CDK14: variants seen among roughly 807,000 people sequenced by gnomAD.
The protein encoded by CDK14 is cyclin-dependent kinase 14.
In CDK14, 34 loss-of-function variants were observed where a neutral mutation model predicts 60.7. The observed-to-expected ratio is 0.56, with a 90% CI of 0.43 to 0.75. CDK14 has a LOEUF of 0.75. CDK14 is among the 30% of genes least tolerant of loss of function. CDK14 has a pLI of 0.00. For synonymous variants in CDK14, 197 were observed against 203.7 expected (o/e 0.97, Z 0.28); for missense variants, 482 against 564.1 (o/e 0.85, Z 1.47).
intron 2 of CDK14, among the ~76,000 whole-genome samples, chr7:90,716,585 A>G (rs1246374899): frequency 6.6e-6 from 1 of 152,086 alleles, no homozygotes; most frequent in Non-Finnish European, 1.5e-5. Context: ...TTTCTTCTCT[A>G]CTCATCACTC....
At chr7:90,912,204 G>C (rs1174651896) in intron 7 of CDK14, among the ~76,000 whole-genome samples, 1 of 130,110 alleles carries the variant, frequency 7.7e-6, no homozygotes. Context: ...ATAGTAGAAA[G>C]ATAAAGAGTT....
At chr7:90,894,403 G>A (rs1450508086) in intron 6 of CDK14, among the ~76,000 whole-genome samples, 2 of 152,146 alleles carry the variant, frequency 1.3e-5, no homozygotes, top group African/African-American at 4.8e-5. Flanking sequence ...TAGATGATGT[G>A]TGCGCATACA....
chr7:90,851,582 C>T (rs1337427166), intron 5 of CDK14, among the ~76,000 whole-genome samples: 1 of 152,002 alleles, frequency 6.6e-6, no homozygotes, highest in Non-Finnish European at 1.5e-5. Context: ...AGAGACTGTC[C>T]CCTCAACTGT....
At chr7:90,789,064 G>A (rs959597029) in intron 4 of CDK14, among the ~76,000 whole-genome samples, 3 of 152,052 alleles carry the variant, frequency 2.0e-5, no homozygotes, top group Non-Finnish European at 4.4e-5. Context: ...ACCTTGCAAT[G>A]GCACTTTTAG....
rs868017104 is a variant in CDK14, at chr7:90,616,307, T to A, written c.123+12058T>A. On this transcript the variant is annotated intron_variant, in intron 2 of 14. Coordinates refer to ENST00000380050, the MANE Select transcript of CDK14 (RefSeq NM_001287135.2). ...AATGAAAACATTTTTTATTAAAAAA[T>A]ATAGGTAAAGAAGAGAGATGTTAGT... Among the ~76,000 whole-genome samples the A allele has an allele frequency of 1.5e-4, 23 of 152,302 alleles. No individual in the cohort carries two copies. The Middle Eastern group carries it at 0.014, about 90-fold the overall frequency.
At chr7:91,152,620 A>G (rs142718997) in intron 14 of CDK14, among the ~76,000 whole-genome samples, 8 of 152,294 alleles carry the variant, frequency 5.3e-5, no homozygotes, top group South Asian at 2.1e-4. Context: ...ACTATGTGCT[A>G]TGTGCTGGGG....
chr7:91,160,583 A>G (rs973321834), intron 14 of CDK14, among the ~76,000 whole-genome samples: 1 of 152,200 alleles, frequency 6.6e-6, no homozygotes, highest in African/African-American at 2.4e-5. Context: ...ATTGAAACCT[A>G]TAGCCAAAAT....
chr7:91,027,452 C>A (rs3808295), intron 10 of CDK14, among the ~76,000 whole-genome samples: 2 of 152,122 alleles, frequency 1.3e-5, no homozygotes. Context: ...CATACTTCCT[C>A]GGAAGATGCC....
chr7:90,928,047 A>G (rs1286064462), intron 8 of CDK14, among the ~76,000 whole-genome samples: 9 of 152,104 alleles, frequency 5.9e-5, no homozygotes. Context: ...TTCTAATGCC[A>G]TGGTTTTCAG....
chr7:90,617,553 A>G (rs914243564), intron 2 of CDK14, among the ~76,000 whole-genome samples: 1 of 152,136 alleles, frequency 6.6e-6, no homozygotes, highest in Non-Finnish European at 1.5e-5. Context: ...CACACATTTT[A>G]CAGAGAGGAA....
intron 2 of CDK14, among the ~76,000 whole-genome samples, chr7:90,617,100 T>TA (rs1799666578): frequency 6.6e-6 from 1 of 152,188 alleles, no homozygotes. Context: ...AAATAGAAAT[T>TA]ATTATTTACA....
chr7:91,110,887 G>A (rs768965628), intron 12 of CDK14, among the ~76,000 whole-genome samples: 26 of 152,002 alleles, frequency 1.7e-4, no homozygotes, highest in Non-Finnish European at 3.7e-4. Flanking sequence ...CAAACTTTGC[G>A]TTTGATTTTT....
At chr7:90,820,294 C>T (rs1789500043) in intron 5 of CDK14, among the ~76,000 whole-genome samples, 1 of 152,126 alleles carries the variant, frequency 6.6e-6, no homozygotes, top group South Asian at 2.1e-4. Flanking sequence ...CCTTGATTCT[C>T]TTTACCTCCT....
intron 4 of CDK14, among the ~76,000 whole-genome samples, chr7:90,790,113 T>A (rs1805768053): frequency 2.0e-5 from 3 of 150,382 alleles, no homozygotes; most frequent in African/African-American, 4.9e-5. Flanking sequence ...TTTTTTTTTT[T>A]GAGAGAGAGA....
At chr7:91,112,975 C>T (rs1389761210) in intron 13 of CDK14, among the ~76,000 whole-genome samples, 2 of 152,050 alleles carry the variant, frequency 1.3e-5, no homozygotes, top group Non-Finnish European at 2.9e-5. Flanking sequence ...TCCTTTTTTG[C>T]TATCTCTGCT....
At chr7:90,662,769 T>C (rs1297839110) in intron 2 of CDK14, among the ~76,000 whole-genome samples, 1 of 152,192 alleles carries the variant, frequency 6.6e-6, no homozygotes, top group Non-Finnish European at 1.5e-5. Flanking sequence ...AGAGGAAATA[T>C]TTGTAGAAAG....
chr7:90,752,519 T>C (rs1179507839), intron 4 of CDK14, among the ~76,000 whole-genome samples: 3 of 151,988 alleles, frequency 2.0e-5, no homozygotes, highest in African/African-American at 7.2e-5. Context: ...AAAACAGTGT[T>C]AAGAGGAAAG....
chr7:90,958,331 G>A (rs928894649), intron 9 of CDK14, among the ~76,000 whole-genome samples: 22 of 152,096 alleles, frequency 1.4e-4, no homozygotes, highest in African/African-American at 4.8e-4. Context: ...TTATTGAAGT[G>A]TAGCTCTAAA....
At chr7:90,780,576 TC>T (rs1406830632) in intron 4 of CDK14, among the ~76,000 whole-genome samples, 1 of 91,208 alleles carries the variant, frequency 1.1e-5, no homozygotes, top group Non-Finnish European at 2.0e-5. Flanking sequence ...CCCTCCCCCC[TC>T]CCCCCACCCC....
Sources: gnomAD v4.1 joint callset for allele counts (sites outside exome capture counted in the v4.1 genomes callset) on GRCh38, gnomAD v4.1.1 for gene constraint, MANE v1.5 for transcripts, NCBI Gene and HGNC (gene_info 2026-07-23, HGNC 2026-07-21) for gene names.